The following ZCCHC8 variants were observed in gnomAD, a reference collection of about 807,000 sequenced individuals.
ZCCHC8 encodes zinc finger CCHC domain-containing protein 8.
In ZCCHC8, 27 loss-of-function variants were observed where a neutral mutation model predicts 70.6. The ratio of observed to expected loss-of-function variants is 0.38; its 90% CI spans 0.28 to 0.53. The LOEUF (loss-of-function observed/expected upper bound fraction) is 0.53, where lower values mean the gene tolerates loss of function less well. Among genes scored for constraint, ZCCHC8 ranks in the 20% least tolerant of loss-of-function variants. ZCCHC8 has a pLI of 0.81. For missense variants in ZCCHC8, 737 were observed against 876.9 expected (o/e 0.84, Z 2.01); for synonymous variants, 293 against 317.4 (o/e 0.92, Z 0.82).
chr12:122,484,697 A>AT (rs1025245934), intron 5 of ZCCHC8, among the ~76,000 whole-genome samples: 2 of 151,242 alleles, frequency 1.3e-5, no homozygotes, highest in African/African-American at 4.9e-5. Context: ...CCTGGCCTCC[A>AT]TTTTTTTAAT....
At position 122,492,771 on chromosome 12, in the gene ZCCHC8, A is replaced by G. The variant is rs1593330442; in HGVS notation, c.261T>C (p.Asp87=). 1 of 1,546,016 alleles carries G rather than the reference A, an allele frequency of 6.5e-7. No homozygotes were observed. The highest frequency in any genetic ancestry group is 2.4e-5 in the East Asian group (1 of 41,882). ...LTRPSGILVN[D]TKLDGPILQI... is the part of the protein sequence containing the mutation. ...GTAATATAGGTCCATCTAACTTAGT[A>G]TCGTTCACCAATATTCCACTAAAAC... The change falls in exon 3 of 14, where the codon GAT becomes GAC. Residue 87 remains aspartate (D), a synonymous_variant. Coordinates refer to ENST00000633063, the MANE Select transcript of ZCCHC8 (RefSeq NM_017612.5).
At position 122,492,772 on chromosome 12, in the gene ZCCHC8, T is replaced by C; in HGVS notation, c.260A>G (p.Asp87Gly). ...TAATATAGGTCCATCTAACTTAGTA[T>C]CGTTCACCAATATTCCACTAAAACA... is the stretch of plus-strand genomic sequence containing the variant. ...LTRPSGILVN[D>G]TKLDGPILQI... The change falls in exon 3 of 14, where the codon GAT (aspartate) becomes GGT (glycine). Residue 87 changes from aspartate to glycine, a missense_variant. Physicochemically the swap from Asp to Gly is moderately conservative, Grantham distance 94 (BLOSUM62 -1). Transcript: ENST00000633063. 6.5e-7 allele frequency: 1 copy of C among 1,546,422 alleles called. No individual in the cohort carries two copies. Among genetic ancestry groups the C allele is most frequent in the South Asian group, 1.2e-5 (1 of 83,750 alleles).
Position 122,473,985 on chromosome 12 carries a change from C to T in ZCCHC8, c.1636G>A (p.Asp546Asn). ...SVNSDSDVPV[D>N]TPLTGNSVAS... ...ACGGAATTGCCAGTTAAAGGTGTGT[C>T]CACAGGAACGTCGGAGTCGCTGTTT... Residue 546 changes from aspartate (D) to asparagine (N), a missense_variant, in exon 14 of 14, where the codon GAC becomes AAC. Physicochemically the swap from Asp to Asn is conservative, Grantham distance 23. Coordinates refer to ENST00000633063, the MANE Select transcript of ZCCHC8 (RefSeq NM_017612.5). The T allele has an allele frequency of 6.3e-7, 1 of 1,589,192 alleles. No individual in the cohort carries two copies.
At chr12:122,498,897 C>T (rs1033244052) in intron 1 of ZCCHC8, 28 bp from the exon 2 acceptor site, 54 of 1,600,374 alleles carry the variant, frequency 3.4e-5, no homozygotes, top group Non-Finnish European at 4.5e-5. Context: ...AAGATAAGCC[C>T]TCATTTAACA....
chr12:122,494,735 G>C (rs1032737677), intron 2 of ZCCHC8, among the ~76,000 whole-genome samples: 1 of 151,874 alleles, frequency 6.6e-6, no homozygotes, highest in African/African-American at 2.4e-5. Flanking sequence ...CGCGCCTGTA[G>C]TCCCAGCTAC....
chr12:122,482,929 C>T, intron 7 of ZCCHC8: 1 of 523,850 alleles, frequency 1.9e-6, no homozygotes, highest in Non-Finnish European at 3.3e-6. Flanking sequence ...TCTGTTACCT[C>T]TTTTGAGTTT....
intron 2 of ZCCHC8, among the ~76,000 whole-genome samples, chr12:122,497,413 G>T (rs903631825): frequency 3.3e-5 from 5 of 151,910 alleles, no homozygotes; most frequent in African/African-American, 1.2e-4. Flanking sequence ...GTGGTAGTGG[G>T]CACCTGTAAT....
chr12:122,490,392 C>A (rs1957723774), intron 4 of ZCCHC8, 70 bp downstream of exon 4: 1 of 1,210,612 alleles, frequency 8.3e-7, no homozygotes, highest in Non-Finnish European at 1.2e-6. Context: ...TCAAGAGGAT[C>A]CTTGTGGCCC....
chr12:122,499,870 A>C (rs891366230), intron 1 of ZCCHC8: 2 of 152,118 alleles, frequency 1.3e-5, no homozygotes, highest in East Asian at 3.9e-4. Context: ...AAAAGCTAAC[A>C]TATCAGCCAC....
rs1486771110 is a variant in ZCCHC8 at position 122,500,636 on chromosome 12, G to A, written c.199+6C>T. 5.1e-6 allele frequency: 8 copies of A among 1,565,408 alleles called. No homozygotes were observed. Among genetic ancestry groups the A allele is most frequent in the Admixed American group, 3.8e-5 (2 of 53,322 alleles). On this transcript the variant is annotated splice_donor_region_variant and intron_variant, in intron 1 of 13. Coordinates refer to ENST00000633063, the MANE Select transcript of ZCCHC8 (RefSeq NM_017612.5). This position sits in a 1 kb window ranked among gnomAD's most constrained non-coding sequence, Gnocchi z 4.8. ...GGTGACAGGGCCCAGCGAGAGGAAA[G>A]GATATTCTCGGCGCGGAGCTGCTCG...
In ZCCHC8 at chr12:122,483,268, C is replaced by G; in HGVS notation, c.671+11G>C. 5 of 1,584,252 alleles carry G rather than the reference C, an allele frequency of 3.2e-6. No homozygotes were observed. The highest frequency in any genetic ancestry group is 2.3e-5 in the South Asian group (2 of 86,292). On this transcript the variant is annotated intron_variant, in intron 7 of 13. Coordinates refer to ENST00000633063, the MANE Select transcript of ZCCHC8 (RefSeq NM_017612.5). This position sits in a 1 kb window ranked among gnomAD's most constrained non-coding sequence, Gnocchi z 4.4. ...GTAAATAAGTAAAACAAAACAACTCCCCACACAAACCTTTTTGCCTTTACT... is the reference window on the plus strand; with the variant it reads ...GTAAATAAGTAAAACAAAACAACTCGCCACACAAACCTTTTTGCCTTTACT...
chr12:122,481,872 C>T (rs756730899), intron 9 of ZCCHC8, 73 bp downstream of exon 9: 2 of 1,533,094 alleles, frequency 1.3e-6, no homozygotes, highest in Admixed American at 4.2e-5. Context: ...TGATAATTAG[C>T]CCAAAGAGAC....
At chr12:122,498,565 T>C (rs1957866169) in intron 2 of ZCCHC8, among the ~76,000 whole-genome samples, 1 of 152,234 alleles carries the variant, frequency 6.6e-6, no homozygotes, top group Non-Finnish European at 1.5e-5. Flanking sequence ...AACTTGCCTA[T>C]TCTGAACATT....
rs1593317667 is a variant in ZCCHC8 at position 122,481,308 on chromosome 12, ACCTGAG to A, written c.1018+208_1018+213del. The A allele has an allele frequency of 9.8e-6, 5 of 511,826 alleles. No individual in the cohort carries two copies. The East Asian group carries it at 1.1e-4, about 11-fold the overall frequency. The allele number at this position is 511,826 out of a possible 1,614,324, so 31.7% of individuals were successfully genotyped here. A position where few individuals can be genotyped will look rare whatever the true frequency, so the allele number is the denominator to read the frequency against. ...GAGGTGATACTCTGGCCTAGACAGTACCTGAGCAAGCCCAGAAAACCATCAGATAAT... is the reference window on the plus strand; with the variant it reads ...GAGGTGATACTCTGGCCTAGACAGTACAAGCCCAGAAAACCATCAGATAAT... On this transcript the variant is annotated intron_variant, in intron 10 of 13. Coordinates refer to ENST00000633063, the MANE Select transcript of ZCCHC8 (RefSeq NM_017612.5).
chr12:122,474,447 G>A (rs1957377631), intron 13 of ZCCHC8, among the ~76,000 whole-genome samples, 172 bp from the exon 14 acceptor site: 1 of 152,166 alleles, frequency 6.6e-6, no homozygotes, highest in Non-Finnish European at 1.5e-5. Flanking sequence ...GGTATCCTCA[G>A]TCCACCTGAA....
chr12:122,496,102 G>A (rs946530411), intron 2 of ZCCHC8, among the ~76,000 whole-genome samples: 1 of 151,994 alleles, frequency 6.6e-6, no homozygotes, highest in Non-Finnish European at 1.5e-5. Context: ...GGGAGGTTGA[G>A]GCTGCAGTGA....
chr12:122,478,227 G>A lies in ZCCHC8; in HGVS notation c.1206C>T (p.Tyr402=), dbSNP rs1957458385. The A allele has an allele frequency of 1.9e-6, 3 of 1,600,138 alleles. No homozygotes were observed. Among genetic ancestry groups the A allele is most frequent in the South Asian group, 1.1e-5 (1 of 88,372 alleles). ...TTACCGCTTGGAAGTTAGAAGTAAG[G>A]TAATTGGCAAACACATCCTTCTGCT... The part of the protein sequence containing the change: ...ACQQKDVFAN[Y]LTSNFQAPGV... Residue 402 remains tyrosine, a synonymous_variant, in exon 12 of 14, where the codon TAC becomes TAT. Coordinates refer to ENST00000633063, the MANE Select transcript of ZCCHC8 (RefSeq NM_017612.5).
At chr12:122,480,092 G>T in intron 11 of ZCCHC8, 98 bp downstream of exon 11, 3 of 1,146,018 alleles carry the variant, frequency 2.6e-6, no homozygotes, top group Non-Finnish European at 3.7e-6. Flanking sequence ...GATTACAGGT[G>T]TGAGCCACTA....
intron 2 of ZCCHC8, among the ~76,000 whole-genome samples, chr12:122,493,173 T>A (rs145189611): frequency 8.4e-4 from 128 of 152,280 alleles, no homozygotes; most frequent in African/African-American, 3.0e-3. Context: ...AGCCTTAAAA[T>A]TCTTAAGTAC....
Sources: gnomAD v4.1 joint callset for allele counts (sites outside exome capture counted in the v4.1 genomes callset) on GRCh38, gnomAD v4.1.1 for gene constraint, Gnocchi (gnomAD v3.1) non-coding constraint, MANE v1.5 for transcripts, NCBI Gene and HGNC (gene_info 2026-07-23, HGNC 2026-07-21) for gene names.